AK2: variants seen among roughly 807,000 people sequenced by gnomAD.
The protein encoded by AK2 is adenylate kinase 2, also known as adenylate kinase 2, mitochondrial.
AK2 carries 15 observed loss-of-function variants against 24.6 expected under a neutral mutation model. The observed-to-expected ratio is 0.61, with a 90% CI of 0.41 to 0.94. AK2 has a LOEUF of 0.94. AK2 is among the 40% of genes least tolerant of loss of function. AK2 has a pLI of 0.00. For missense variants in AK2, 257 were observed against 304.1 expected, an observed-to-expected ratio of 0.85 and a Z score of 1.15; for synonymous variants, 102 against 114.0, an observed-to-expected ratio of 0.90 and a Z score of 0.67.
At chr1:33,028,972 T>C (rs1640074000) in intron 1 of AK2, among the ~76,000 whole-genome samples, 1 of 152,218 alleles carries the variant, frequency 6.6e-6, no homozygotes, top group Non-Finnish European at 1.5e-5. Flanking sequence ...AAACGGGCTC[T>C]ACCGTTTATT....
Position 33,011,598 on chromosome 1 carries a change from A to G in AK2, c.*1583T>C. 2 of 1,288,412 alleles carry G rather than the reference A, an allele frequency of 1.6e-6. No individual in the cohort carries two copies. The highest frequency in any genetic ancestry group is 2.0e-6 in the Non-Finnish European group (2 of 989,572). The allele number at this position is 1,288,412 out of a possible 1,614,324, so 79.8% of individuals were successfully genotyped here. A position where few individuals can be genotyped will look rare whatever the true frequency, so the allele number is the denominator to read the frequency against. On this transcript the variant is annotated 3_prime_UTR_variant, in exon 6 of 6. Coordinates refer to ENST00000672715, the MANE Select transcript of AK2 (RefSeq NM_001625.4). ...TTAGAGTCCACTGAATCGAGTCAGC[A>G]GCAGATTATGCTGAGGCTGGCGATA...
intron 1 of AK2, among the ~76,000 whole-genome samples, chr1:33,032,991 G>A (rs774171824): frequency 7.2e-5 from 11 of 151,892 alleles, no homozygotes; most frequent in South Asian, 2.1e-4. Flanking sequence ...GTGAAACCCC[G>A]TCTCTACTAA....
chr1:33,031,509 C>T (rs1156944110), intron 1 of AK2: 4 of 451,428 alleles, frequency 8.9e-6, no homozygotes, highest in African/African-American at 6.0e-5. Flanking sequence ...TTATTACACC[C>T]TCCTGACATG....
chr1:33,025,572 G>A (rs1639829101), intron 1 of AK2, among the ~76,000 whole-genome samples: 1 of 152,212 alleles, frequency 6.6e-6, no homozygotes, highest in Non-Finnish European at 1.5e-5. Flanking sequence ...CAAATAATAA[G>A]CACTTACATA....
rs568545095 is a variant in AK2 at position 33,010,541 on chromosome 1, C to T, written c.*2640G>A. On this transcript the variant is annotated 3_prime_UTR_variant, in exon 6 of 6. Transcript: ENST00000672715. ...CACCAGTCCAGAGTAAATGAAAACC[C>T]GATTCCTTAGAAATAATATTGTGTC... The T allele has an allele frequency of 2.1e-5, 17 of 793,352 alleles. No individual in the cohort carries two copies. The highest frequency in any genetic ancestry group is 1.4e-4 in the East Asian group (5 of 36,242). The allele number at this position is 793,352 out of a possible 1,614,324, so 49.1% of individuals were successfully genotyped here. A position where few individuals can be genotyped will look rare whatever the true frequency, so the allele number is the denominator to read the frequency against.
At chr1:33,035,740 G>A (rs1471507637) in intron 1 of AK2, among the ~76,000 whole-genome samples, 1 of 152,138 alleles carries the variant, frequency 6.6e-6, no homozygotes, top group East Asian at 1.9e-4. Flanking sequence ...TTGCCTGCTA[G>A]GGCAGATGGT....
chr1:33,021,519 T>G, intron 3 of AK2, 58 bp from the exon 4 acceptor site: 2 of 1,605,668 alleles, frequency 1.2e-6, no homozygotes, highest in South Asian at 1.1e-5. Flanking sequence ...CCCATCTCCT[T>G]CAAAGGAATT....
Position 33,010,685 on chromosome 1 carries a change from G to T in AK2, c.*2496C>A. 4 of 1,595,634 alleles carry T rather than the reference G, an allele frequency of 2.5e-6. No individual in the cohort carries two copies. The South Asian group carries it at 4.5e-5, about 18-fold the overall frequency. On this transcript the variant is annotated 3_prime_UTR_variant, in exon 6 of 6. Transcript: ENST00000672715. ...GCCACACTACAATAACACTGCTGTT[G>T]TTCCAAGTATTCCTCTGAGCCCCTC...
At chr1:33,021,235 C>A in intron 4 of AK2, 132 bp downstream of exon 4, 1 of 821,664 alleles carries the variant, frequency 1.2e-6, no homozygotes, top group Admixed American at 1.8e-5. Flanking sequence ...ACCACTTCAG[C>A]GGATGTCACC....
At chr1:33,031,314 T>C (rs1248320393) in intron 1 of AK2, 1 of 208,080 alleles carries the variant, frequency 4.8e-6, no homozygotes, top group Non-Finnish European at 1.0e-5. Flanking sequence ...AGACATGAGT[T>C]CAAATCCTAC....
At chr1:33,022,775 C>A (rs1020363750) in intron 2 of AK2, among the ~76,000 whole-genome samples, 1 of 152,152 alleles carries the variant, frequency 6.6e-6, no homozygotes, top group Non-Finnish European at 1.5e-5. Flanking sequence ...TGTAGTGAAG[C>A]CTGCCCATCT....
At chr1:33,014,902 C>T (rs143484071) in intron 4 of AK2, among the ~76,000 whole-genome samples, 1 of 152,348 alleles carries the variant, frequency 6.6e-6, no homozygotes, top group Non-Finnish European at 1.5e-5. Context: ...CCATTCTGTT[C>T]ACCCATTTAC....
At position 33,036,834 on chromosome 1, in the gene AK2, C is replaced by T. The variant is rs1366585620; in HGVS notation, c.-6G>A. ...GCTGGCACGCTGGGAGCCATGTCCG[C>T]CGAAGTCTCTCACTGCCACCAGTTC... is the stretch of plus-strand genomic sequence containing the variant. On this transcript the variant is annotated 5_prime_UTR_variant, in exon 1 of 6. Coordinates refer to ENST00000672715, the MANE Select transcript of AK2 (RefSeq NM_001625.4). 1 of 1,586,232 alleles carries T rather than the reference C, an allele frequency of 6.3e-7. No homozygotes were observed. Among genetic ancestry groups the T allele is most frequent in the Admixed American group, 1.8e-5 (1 of 56,454 alleles).
At position 33,011,050 on chromosome 1, in the gene AK2, T is replaced by C. The variant is rs1408496556; in HGVS notation, c.*2131A>G. ...TACTGAGAAGGGTATATGCATTCCC[T>C]ATGAATCTTCCAGTTCTTATGGGCA... On this transcript the variant is annotated 3_prime_UTR_variant, in exon 6 of 6. Transcript: ENST00000672715. The C allele has an allele frequency of 1.2e-4, 118 of 985,362 alleles. No individual in the cohort carries two copies. The highest frequency in any genetic ancestry group is 1.4e-4 in the Non-Finnish European group (118 of 829,944). 61.0% of individuals were successfully genotyped at this position (985,362 alleles called of 1,614,324 possible). A position where few individuals can be genotyped will look rare whatever the true frequency, so the allele number is the denominator to read the frequency against.
intron 4 of AK2, among the ~76,000 whole-genome samples, chr1:33,018,081 T>G (rs929139397): frequency 6.6e-6 from 1 of 152,208 alleles, no homozygotes; most frequent in African/African-American, 2.4e-5. Context: ...TGCGACACTT[T>G]AAACACTTGT....
In AK2 at chr1:33,008,910, A is replaced by G. The variant is rs1275739279; in HGVS notation, c.*4271T>C. On this transcript the variant is annotated 3_prime_UTR_variant, in exon 6 of 6. Transcript: ENST00000672715. Reference sequence around the variant, plus strand: ...CAGTCTTCTCTGTTTATTCTTCTCAACTACACCATGCTGCTTTGCAGGTTG... The same window carrying G: ...CAGTCTTCTCTGTTTATTCTTCTCAGCTACACCATGCTGCTTTGCAGGTTG... 1 of 454,132 alleles carries G rather than the reference A, an allele frequency of 2.2e-6. No individual in the cohort carries two copies. The highest frequency in any genetic ancestry group is 6.9e-5 in the East Asian group (1 of 14,400). 28.1% of individuals were successfully genotyped at this position (454,132 alleles called of 1,614,324 possible). A position where few individuals can be genotyped will look rare whatever the true frequency, so the allele number is the denominator to read the frequency against.
In AK2 at chr1:33,011,592, G is replaced by A; in HGVS notation, c.*1589C>T. 1 of 1,287,152 alleles carries A rather than the reference G, an allele frequency of 7.8e-7. No homozygotes were observed. Among genetic ancestry groups the A allele is most frequent in the Non-Finnish European group, 1.0e-6 (1 of 988,448 alleles). The allele number at this position is 1,287,152 out of a possible 1,614,324, so 79.7% of individuals were successfully genotyped here. A position where few individuals can be genotyped will look rare whatever the true frequency, so the allele number is the denominator to read the frequency against. ...GGCACTTTAGAGTCCACTGAATCGA[G>A]TCAGCAGCAGATTATGCTGAGGCTG... On this transcript the variant is annotated 3_prime_UTR_variant, in exon 6 of 6. Transcript: ENST00000672715.
chr1:33,007,968 T>C (rs1638579185), downstream of AK2: 4 of 452,430 alleles, frequency 8.8e-6, no homozygotes, highest in South Asian at 3.1e-5. Flanking sequence ...ATAAATGAGA[T>C]AATGCATGCA....
rs1639552035 is a variant in AK2 at position 33,021,480 on chromosome 1, C to T, written c.331-19G>A. On this transcript the variant is annotated intron_variant, in intron 3 of 5. Transcript: ENST00000672715. Reference sequence around the variant, plus strand: ...CATCGAGCTGTAAAAGAATGTGTGGCCCACCTAAGCTACCAGAGCTTGGTT... The same window carrying T: ...CATCGAGCTGTAAAAGAATGTGTGGTCCACCTAAGCTACCAGAGCTTGGTT... 1 of 1,611,276 alleles carries T rather than the reference C, an allele frequency of 6.2e-7. No homozygotes were observed. The highest frequency in any genetic ancestry group is 8.5e-7 in the Non-Finnish European group (1 of 1,177,520).
Sources: gnomAD v4.1 joint callset for allele counts (sites outside exome capture counted in the v4.1 genomes callset) on GRCh38, gnomAD v4.1.1 for gene constraint, MANE v1.5 for transcripts, NCBI Gene and HGNC (gene_info 2026-07-23, HGNC 2026-07-21) for gene names.